Variants in SLC30A6 observed in about 807,000 individuals in gnomAD.
SLC30A6 encodes zinc transporter 6.
SLC30A6 carries 55 observed loss-of-function variants against 63.0 expected under a neutral mutation model. That is an observed-to-expected ratio of 0.87 (90% CI 0.70 to 1.09). The LOEUF (loss-of-function observed/expected upper bound fraction) is 1.09, where lower values mean the gene tolerates loss of function less well. Among genes scored for constraint, SLC30A6 ranks in the 50% least tolerant of loss-of-function variants. The pLI, the probability that SLC30A6 is intolerant of heterozygous loss-of-function variation, is 0.00. For synonymous variants in SLC30A6, 224 were observed against 186.1 expected, an observed-to-expected ratio of 1.20 and a Z score of -1.66; for missense variants, 587 against 549.2, an observed-to-expected ratio of 1.07 and a Z score of -0.69.
chr2:32,197,974 A>G (rs1573355373), intron 10 of SLC30A6, 148 bp downstream of exon 10: 2 of 912,978 alleles, frequency 2.2e-6, no homozygotes, highest in East Asian at 5.2e-5. Flanking sequence ...AGGTGTCTTC[A>G]TCTGAAAAAT....
At chr2:32,195,099 CTTTTTT>C (rs11453810) in intron 8 of SLC30A6, among the ~76,000 whole-genome samples, 236 of 125,740 alleles carry the variant, frequency 1.9e-3, no homozygotes, top group Middle Eastern at 4.3e-3. Flanking sequence ...TTATGCCTGG[CTTTTTT>C]TTTTTTTTTT....
chr2:32,191,817 TGG>T (rs1233579507), intron 5 of SLC30A6, among the ~76,000 whole-genome samples: 1 of 152,018 alleles, frequency 6.6e-6, no homozygotes, highest in Non-Finnish European at 1.5e-5. Flanking sequence ...TACTTGAGCC[TGG>T]GAGTTCAGGG....
chr2:32,216,013 G>A (rs1685673880), intron 13 of SLC30A6, among the ~76,000 whole-genome samples: 1 of 152,184 alleles, frequency 6.6e-6, no homozygotes, highest in Non-Finnish European at 1.5e-5. Flanking sequence ...TAGTGCTGCA[G>A]TGAACATCCA....
At chr2:32,204,084 G>A (rs1684532221) in intron 10 of SLC30A6, 7 of 512,184 alleles carry the variant, frequency 1.4e-5, no homozygotes, top group Admixed American at 3.0e-5. Context: ...GGTCATCATA[G>A]TTGAGGTATG....
intron 13 of SLC30A6, among the ~76,000 whole-genome samples, chr2:32,218,273 AC>A (rs969341098): frequency 2.0e-5 from 3 of 152,186 alleles, no homozygotes; most frequent in African/African-American, 7.2e-5. Flanking sequence ...AAACAAAAAA[AC>A]AAAACCAAAA....
At position 32,200,841 on chromosome 2, in the gene SLC30A6, AT is replaced by A. The variant is rs199924953; in HGVS notation, c.665+3016del. 6.6e-3 allele frequency among the ~76,000 whole-genome samples: 988 copies of A among 149,844 alleles called. 3 individuals carry two copies. The highest frequency in any genetic ancestry group is 0.011 in the Admixed American group (158 of 15,016). ...CCAAGAATGATCAATAAAGAAAAAA[AT>A]AATAATAATAATAATAAAACCCTCC... On this transcript the variant is annotated intron_variant, in intron 10 of 13. Coordinates refer to ENST00000282587, the MANE Select transcript of SLC30A6 (RefSeq NM_017964.5).
At chr2:32,180,100 T>G (rs1682153164) in intron 4 of SLC30A6, among the ~76,000 whole-genome samples, 1 of 151,918 alleles carries the variant, frequency 6.6e-6, no homozygotes, top group Non-Finnish European at 1.5e-5. Context: ...CCAGCCTCAG[T>G]GACAGAGAGA....
chr2:32,171,333 A>G lies in SLC30A6; in HGVS notation c.50A>G (p.Lys17Arg), dbSNP rs1272216711. Residue 17 changes from lysine (K) to arginine (R), a missense_variant, in exon 2 of 14, where the codon AAG becomes AGG. Transcript: ENST00000282587. ...FRKPQRSFFGKLLREFRLVAA... is the reference protein window; with the variant it reads ...FRKPQRSFFGRLLREFRLVAA... ...AAACCACAAAGATCCTTTTTTGGCA[A>G]GTTGTTACGGGAATTTAGACTTGTA... 2 of 1,613,694 alleles carry G rather than the reference A, an allele frequency of 1.2e-6. No homozygotes were observed. The highest frequency in any genetic ancestry group is 1.7e-6 in the Non-Finnish European group (2 of 1,179,830).
At chr2:32,202,881 T>C (rs1684418448) in intron 10 of SLC30A6, 5 of 940,152 alleles carry the variant, frequency 5.3e-6, no homozygotes, top group Non-Finnish European at 3.5e-6. Context: ...GGCTGCAGCT[T>C]CTGTGGAACA....
intron 4 of SLC30A6, 87 bp from the exon 5 acceptor site, chr2:32,184,186 C>T: frequency 1.8e-6 from 1 of 568,504 alleles, no homozygotes; most frequent in Non-Finnish European, 2.9e-6. Context: ...AGATAACTTT[C>T]AACCACTTAG....
At chr2:32,201,531 C>G (rs1028210573) in intron 10 of SLC30A6, 3 of 773,716 alleles carry the variant, frequency 3.9e-6, no homozygotes, top group Non-Finnish European at 5.9e-6. Context: ...CCCCTGTTTC[C>G]TTTCACGTTT....
At position 32,222,536 on chromosome 2, in the gene SLC30A6, A is replaced by G. The variant is rs1334558720; in HGVS notation, c.*1823A>G. 3 of 152,186 alleles carry G rather than the reference A, an allele frequency of 2.0e-5. No homozygotes were observed. Among genetic ancestry groups the G allele is most frequent in the Admixed American group, 6.6e-5 (1 of 15,262 alleles). The allele number at this position is 152,186 out of a possible 1,614,324, so 9.4% of individuals were successfully genotyped here. A position where few individuals can be genotyped will look rare whatever the true frequency, so the allele number is the denominator to read the frequency against. On this transcript the variant is annotated 3_prime_UTR_variant, in exon 14 of 14. Coordinates refer to ENST00000282587, the MANE Select transcript of SLC30A6 (RefSeq NM_017964.5). ...TCAAGCAGAATTGTCATCTGTGGTA[A>G]TAAGTGACCATGTCCTAAATACCTT...
chr2:32,190,046 A>G (rs1683189738), intron 5 of SLC30A6, among the ~76,000 whole-genome samples: 1 of 152,178 alleles, frequency 6.6e-6, no homozygotes, highest in Non-Finnish European at 1.5e-5. Flanking sequence ...ATGCTTGTAA[A>G]AATCTTTTAA....
At chr2:32,211,641 G>A (rs968318757) in intron 13 of SLC30A6, among the ~76,000 whole-genome samples, 10 of 151,472 alleles carry the variant, frequency 6.6e-5, no homozygotes, top group South Asian at 2.1e-4. Flanking sequence ...TTTTTGAGAC[G>A]GAGTCTTGCT....
Position 32,184,300 on chromosome 2 carries a change from G to C in SLC30A6, c.246G>C (p.Trp82Cys). 6.5e-7 allele frequency: 1 copy of C among 1,546,940 alleles called. No individual in the cohort carries two copies. Residue 82 changes from tryptophan (W) to cysteine (C), a missense_variant, in exon 5 of 14, where the codon TGG (tryptophan) becomes TGC (cysteine). Coordinates refer to ENST00000282587, the MANE Select transcript of SLC30A6 (RefSeq NM_017964.5). ...FSLMTCLISYWVTLRKPSPVY... is the reference protein window; with the variant it reads ...FSLMTCLISYCVTLRKPSPVY... ...TAATGACATGTTTAATAAGTTACTG[G>C]GTAACATTGAGGAAACCTAGCCCTG...
chr2:32,180,410 CAAAAA>C (rs35253594), intron 4 of SLC30A6, among the ~76,000 whole-genome samples: 1 of 117,438 alleles, frequency 8.5e-6, no homozygotes. Context: ...TACCCTGTCT[CAAAAA>C]AAAAAAAAAA....
rs1022478050 is a variant in SLC30A6 at position 32,178,433 on chromosome 2, G to A, written c.218+3072G>A. ...TGATGCCTGTAATCCCAGCACTTTG[G>A]GAGGCCAAGGCAGGTGGACCACCTG... On this transcript the variant is annotated intron_variant, in intron 4 of 13. Transcript: ENST00000282587. 1.4e-4 allele frequency among the ~76,000 whole-genome samples: 21 copies of A among 152,028 alleles called. 1 individual carries two copies. Among genetic ancestry groups the A allele is most frequent in the African/African-American group, 4.3e-4 (18 of 41,398 alleles).
At chr2:32,191,846 T>C (rs769170983) in intron 5 of SLC30A6, among the ~76,000 whole-genome samples, 1 of 151,964 alleles carries the variant, frequency 6.6e-6, no homozygotes, top group Non-Finnish European at 1.5e-5. Context: ...CTGGGCAACA[T>C]AGTGAGACCC....
At chr2:32,166,391 T>C (rs1421004896) in intron 1 of SLC30A6, among the ~76,000 whole-genome samples, 1 of 152,238 alleles carries the variant, frequency 6.6e-6, no homozygotes, top group Non-Finnish European at 1.5e-5. Flanking sequence ...GTAGCCTGAT[T>C]ACGGCAGCAA....
Sources: allele counts gnomAD v4.1 joint callset (sites outside exome capture counted in the v4.1 genomes callset), GRCh38; gene constraint gnomAD v4.1.1; transcripts MANE v1.5; gene names NCBI Gene and HGNC (gene_info 2026-07-23, HGNC 2026-07-21).